MSRB3: variants seen among roughly 807,000 people sequenced by gnomAD.
The protein encoded by MSRB3 is methionine sulfoxide reductase B3.
A neutral mutation model predicts 21.0 loss-of-function variants in MSRB3; 13 were observed. That is an observed-to-expected ratio of 0.62 (90% CI 0.40 to 0.98). The LOEUF is 0.98. Among genes scored for constraint, MSRB3 ranks in the 50% least tolerant of loss-of-function variants. The pLI is 0.00. For synonymous variants in MSRB3, 87 were observed against 88.6 expected (o/e 0.98, Z 0.10); for missense variants, 199 against 230.3 (o/e 0.86, Z 0.88).
intron 1 of MSRB3, among the ~76,000 whole-genome samples, chr12:65,303,304 A>G (rs1463336675): frequency 1.3e-5 from 2 of 152,178 alleles, no homozygotes; most frequent in Non-Finnish European, 2.9e-5. Flanking sequence ...GAAAAAAGTA[A>G]AAGGGAAAAA....
intron 1 of MSRB3, chr12:65,279,149 G>A (rs1439829726): frequency 1.7e-6 from 2 of 1,163,552 alleles, no homozygotes; most frequent in African/African-American, 1.6e-5. Flanking sequence ...TCCCGGGAGC[G>A]AACCTGAACC....
rs76129224 is a variant in MSRB3, at chr12:65,420,337, A to AT, written c.293-33381dup. Among the ~76,000 whole-genome samples the AT allele has an allele frequency of 4.4e-4, 64 of 145,880 alleles. 1 individual carries two copies. The highest frequency in any genetic ancestry group is 1.2e-3 in the African/African-American group (49 of 39,338). ...ATCTGGTAATGTGATGCCTTCAGCTATTTTTTTTTTCCTTATGATTGGTCT... is the reference window on the plus strand; with the variant it reads ...ATCTGGTAATGTGATGCCTTCAGCTATTTTTTTTTTTCCTTATGATTGGTCT... On this transcript the variant is annotated intron_variant, in intron 5 of 6. Transcript: ENST00000308259.
At chr12:65,408,199 A>G (rs1218887725) in intron 5 of MSRB3, among the ~76,000 whole-genome samples, 1 of 151,950 alleles carries the variant, frequency 6.6e-6, no homozygotes, top group Non-Finnish European at 1.5e-5. Flanking sequence ...GGTTGAAGCA[A>G]TTCTCCTGAC....
intron 4 of MSRB3, among the ~76,000 whole-genome samples, chr12:65,346,505 A>G (rs1296414866): frequency 1.3e-5 from 2 of 151,968 alleles, no homozygotes; most frequent in Admixed American, 1.3e-4. Flanking sequence ...AGATGAGTAG[A>G]TTGCAAAAAT....
chr12:65,421,256 GT>G (rs1363954614), intron 5 of MSRB3, among the ~76,000 whole-genome samples: 2 of 151,978 alleles, frequency 1.3e-5, no homozygotes, highest in Non-Finnish European at 2.9e-5. Flanking sequence ...CCACATACAT[GT>G]CTTCTTTTGA....
chr12:65,429,034 C>T (rs1347129589), intron 5 of MSRB3, among the ~76,000 whole-genome samples: 1 of 152,018 alleles, frequency 6.6e-6, no homozygotes, highest in Non-Finnish European at 1.5e-5. Flanking sequence ...TTGTTTTACC[C>T]TTGGCCTCTA....
intron 5 of MSRB3, among the ~76,000 whole-genome samples, chr12:65,422,057 C>T (rs1471480763): frequency 3.3e-5 from 5 of 151,940 alleles, no homozygotes; most frequent in East Asian, 1.9e-4. Context: ...AAATGGAAAT[C>T]GGAAAAAAGC....
Position 65,327,237 on chromosome 12 carries a change from G to A in MSRB3, c.185+303G>A, listed in dbSNP as rs61921475. On this transcript the variant is annotated intron_variant, in intron 3 of 6. Coordinates refer to ENST00000308259, the MANE Select transcript of MSRB3 (RefSeq NM_001031679.3). ...ACAGCGATTTAGGTACATTTTTTGGGAAGACATCACAGTAAGCAAAACCAT... is the reference window on the plus strand; with the variant it reads ...ACAGCGATTTAGGTACATTTTTTGGAAAGACATCACAGTAAGCAAAACCAT... Among the ~76,000 whole-genome samples the A allele has an allele frequency of 4.4e-3, 668 of 152,322 alleles. 4 individuals carry two copies. Among genetic ancestry groups the A allele is most frequent in the African/African-American group, 0.015 (615 of 41,562 alleles).
chr12:65,393,187 C>G (rs1367148161), intron 5 of MSRB3, among the ~76,000 whole-genome samples: 1 of 151,558 alleles, frequency 6.6e-6, no homozygotes, highest in African/African-American at 2.4e-5. Context: ...TTGCTATTGT[C>G]TTATATTTGA....
chr12:65,358,908 C>A (rs1877546749), intron 4 of MSRB3, among the ~76,000 whole-genome samples: 1 of 151,944 alleles, frequency 6.6e-6, no homozygotes. Context: ...TTAGCATTCT[C>A]TGTCTCATTC....
chr12:65,390,396 AT>A (rs1205629889), intron 5 of MSRB3, among the ~76,000 whole-genome samples: 2 of 152,194 alleles, frequency 1.3e-5, no homozygotes, highest in African/African-American at 2.4e-5. Context: ...ATAAAAAAAA[AT>A]CAAAGGAAAA....
intron 1 of MSRB3, among the ~76,000 whole-genome samples, chr12:65,279,847 A>G (rs1871907766): frequency 6.6e-6 from 1 of 152,230 alleles, no homozygotes; most frequent in African/African-American, 2.4e-5. Flanking sequence ...GTAGTCGTCA[A>G]AGCTTCTTGC....
At position 65,307,080 on chromosome 12, in the gene MSRB3, A is replaced by G. The variant is rs956518579; in HGVS notation, c.-51-1449A>G. On this transcript the variant is annotated intron_variant, in intron 1 of 6. Transcript: ENST00000308259. ...TCCTCACAGAGAAGGGTCACAGGGAAAAAATACATTTTTATTTATAGTGTT... is the reference window on the plus strand; with the variant it reads ...TCCTCACAGAGAAGGGTCACAGGGAGAAAATACATTTTTATTTATAGTGTT... 4.1e-6 allele frequency: 4 copies of G among 972,836 alleles called. No individual in the cohort carries two copies. The African/African-American group carries it at 7.0e-5, about 17-fold the overall frequency. 60.3% of individuals were successfully genotyped at this position (972,836 alleles called of 1,614,324 possible).
At chr12:65,438,056 AT>A (rs1882201295) in intron 5 of MSRB3, among the ~76,000 whole-genome samples, 1 of 151,956 alleles carries the variant, frequency 6.6e-6, no homozygotes. Flanking sequence ...TTAAATATAG[AT>A]TCCTTGTTAT....
intron 5 of MSRB3, among the ~76,000 whole-genome samples, chr12:65,432,394 A>G (rs1191150717): frequency 3.3e-5 from 5 of 151,976 alleles, no homozygotes; most frequent in Non-Finnish European, 5.9e-5. Context: ...ATGGATTCCA[A>G]AATTTTAAAA....
rs867897721 is a variant in MSRB3, at chr12:65,308,593, A to T, written c.14A>T (p.Asn5Ile). 1 of 1,613,608 alleles carries T rather than the reference A, an allele frequency of 6.2e-7. No homozygotes were observed. Among genetic ancestry groups the T allele is most frequent in the African/African-American group, 1.3e-5 (1 of 74,808 alleles). The change falls in exon 2 of 7, where the codon AAC becomes ATC. Residue 5 changes from asparagine (N) to isoleucine (I), a missense_variant. Physicochemically the swap from Asn to Ile is moderately radical, Grantham distance 149 (BLOSUM62 -3). Coordinates refer to ENST00000308259, the MANE Select transcript of MSRB3 (RefSeq NM_001031679.3). ...GATATCACAGTGATGTCTGCATTCA[A>T]CCTGCTGCATTTGGTGACAAAGAGC... The part of the protein sequence containing the change: MSAF[N>I]LLHLVTKSQP...
intron 5 of MSRB3, among the ~76,000 whole-genome samples, chr12:65,394,326 C>T (rs1443785437): frequency 6.6e-6 from 1 of 151,884 alleles, no homozygotes; most frequent in African/African-American, 2.4e-5. Context: ...AAGCAAATGC[C>T]AACACATTAG....
At chr12:65,300,003 AACAG>A (rs1204767989) in intron 1 of MSRB3, among the ~76,000 whole-genome samples, 1 of 152,178 alleles carries the variant, frequency 6.6e-6, no homozygotes, top group Non-Finnish European at 1.5e-5. Context: ...TGTTGAAAGA[AACAG>A]ACATTTTTCT....
intron 5 of MSRB3, among the ~76,000 whole-genome samples, chr12:65,438,933 A>G (rs1882245696): frequency 6.6e-6 from 1 of 151,884 alleles, no homozygotes; most frequent in African/African-American, 2.4e-5. Flanking sequence ...ATGGACAAAT[A>G]TAAGGAAAAA....
Sources: allele counts gnomAD v4.1 joint callset (sites outside exome capture counted in the v4.1 genomes callset), GRCh38; gene constraint gnomAD v4.1.1; transcripts MANE v1.5; gene names NCBI Gene and HGNC (gene_info 2026-07-23, HGNC 2026-07-21).